The following L3MBTL4 variants were observed in gnomAD, a reference collection of about 807,000 sequenced individuals.
L3MBTL4 encodes the protein L3MBTL histone methyl-lysine binding protein 4.
Under a neutral mutation model 84.5 loss-of-function variants are expected in L3MBTL4, and 70 were observed. The observed-to-expected ratio is 0.83, with a 90% confidence interval of 0.68 to 1.01. The LOEUF (loss-of-function observed/expected upper bound fraction) is 1.01, where lower values mean the gene tolerates loss of function less well. Ranked by LOEUF, L3MBTL4 falls within the 50% of genes least tolerant of loss-of-function variation. The pLI is 0.00. For missense variants in L3MBTL4, 715 were observed against 754.8 expected (o/e 0.95, Z 0.62); for synonymous variants, 274 against 259.8 (o/e 1.05, Z -0.52).
Position 5,960,011 on chromosome 18 carries a change from C to CAT in L3MBTL4, c.1677+81_1677+82dup, listed in dbSNP as rs142973265. The CAT allele has an allele frequency of 1.2e-3, 210 of 171,388 alleles. 1 individual carries two copies. Among genetic ancestry groups the CAT allele is most frequent in the South Asian group, 3.7e-3 (20 of 5,426 alleles). 10.6% of individuals were successfully genotyped at this position (171,388 alleles called of 1,614,324 possible). ...GGGTCTAGAAGTATAGAAATACATA[C>CAT]ATATATATATATACATATATATATA... On this transcript the variant is annotated intron_variant, in intron 18 of 18. Coordinates refer to ENST00000317931, the MANE Select transcript of L3MBTL4 (RefSeq NM_001330559.2).
chr18:6,099,608 G>GAGA (rs1598744783), intron 14 of L3MBTL4, among the ~76,000 whole-genome samples: 4 of 34,458 alleles, frequency 1.2e-4, no homozygotes, highest in Non-Finnish European at 9.6e-5. Context: ...ATATATATAT[G>GAGA]GAGAGAGAGA....
At chr18:5,980,366 G>T (rs1252683049) in intron 16 of L3MBTL4, among the ~76,000 whole-genome samples, 3 of 151,828 alleles carry the variant, frequency 2.0e-5, no homozygotes, top group Non-Finnish European at 4.4e-5. Flanking sequence ...CCCCGTCTCA[G>T]GTGTACACCA....
At chr18:6,373,660 C>T (rs1299966299) in intron 1 of L3MBTL4, among the ~76,000 whole-genome samples, 1 of 151,840 alleles carries the variant, frequency 6.6e-6, no homozygotes, top group Non-Finnish European at 1.5e-5. Flanking sequence ...ATGCACCGTA[C>T]AAAATACATC....
At chr18:6,046,417 T>C (rs2056620387) in intron 16 of L3MBTL4, among the ~76,000 whole-genome samples, 1 of 152,208 alleles carries the variant, frequency 6.6e-6, no homozygotes, top group South Asian at 2.1e-4. Flanking sequence ...CTAATAGGCA[T>C]CTACAGAATA....
At chr18:6,226,290 C>G (rs533199018) in intron 10 of L3MBTL4, among the ~76,000 whole-genome samples, 4 of 152,170 alleles carry the variant, frequency 2.6e-5, no homozygotes, top group Admixed American at 2.6e-4. Context: ...CCTGTAATCC[C>G]AGCTACTCAG....
intron 5 of L3MBTL4, among the ~76,000 whole-genome samples, chr18:6,253,587 A>T (rs1417925713): frequency 6.6e-6 from 1 of 152,154 alleles, no homozygotes; most frequent in Non-Finnish European, 1.5e-5. Context: ...TAAATTGTCA[A>T]ATTTTCCATA....
chr18:6,146,456 G>A (rs989332396), intron 13 of L3MBTL4, among the ~76,000 whole-genome samples: 3 of 152,164 alleles, frequency 2.0e-5, no homozygotes, highest in Non-Finnish European at 2.9e-5. Context: ...GAAGCGCTAC[G>A]AGGAAGCTGC....
chr18:6,407,038 T>C (rs1364620760), intron 1 of L3MBTL4, among the ~76,000 whole-genome samples: 1 of 152,236 alleles, frequency 6.6e-6, no homozygotes, highest in Non-Finnish European at 1.5e-5. Flanking sequence ...CACAGCTTCC[T>C]TTCTTTGTTC....
chr18:6,223,289 T>C (rs1488143506), intron 10 of L3MBTL4, among the ~76,000 whole-genome samples: 2 of 152,180 alleles, frequency 1.3e-5, no homozygotes, highest in African/African-American at 2.4e-5. Flanking sequence ...TTTAGCTGTG[T>C]TCCCTTCTAA....
At chr18:6,053,432 G>T (rs548111980) in intron 16 of L3MBTL4, among the ~76,000 whole-genome samples, 4 of 152,304 alleles carry the variant, frequency 2.6e-5, no homozygotes, top group African/African-American at 9.6e-5. Flanking sequence ...AGGAGGCCAT[G>T]AAGGGAAGGC....
At chr18:6,158,353 T>G (rs560276234) in intron 13 of L3MBTL4, among the ~76,000 whole-genome samples, 5 of 152,178 alleles carry the variant, frequency 3.3e-5, no homozygotes, top group Admixed American at 1.3e-4. Flanking sequence ...GAAGGGACCA[T>G]TCAAGATGTA....
chr18:6,040,235 G>T (rs1266280106), intron 16 of L3MBTL4, among the ~76,000 whole-genome samples: 1 of 152,044 alleles, frequency 6.6e-6, no homozygotes, highest in Non-Finnish European at 1.5e-5. Flanking sequence ...TCACATTAAA[G>T]ATTTCCTCTA....
chr18:6,250,069 G>C (rs550656997), intron 5 of L3MBTL4, among the ~76,000 whole-genome samples: 2 of 152,162 alleles, frequency 1.3e-5, no homozygotes, highest in Non-Finnish European at 2.9e-5. Flanking sequence ...CCAAAGAAGC[G>C]CCAGTGCTCT....
chr18:6,396,808 T>C (rs928194778), intron 1 of L3MBTL4: 1 of 152,230 alleles, frequency 6.6e-6, no homozygotes, highest in African/African-American at 2.4e-5. Context: ...ATGTTCTAAA[T>C]GTTTTATGCT....
intron 13 of L3MBTL4, among the ~76,000 whole-genome samples, chr18:6,160,036 C>T (rs1229816928): frequency 2.0e-5 from 3 of 152,144 alleles, no homozygotes; most frequent in East Asian, 1.9e-4. Context: ...TAAGTACAGC[C>T]GTTCTCATCC....
intron 16 of L3MBTL4, among the ~76,000 whole-genome samples, chr18:6,071,756 AGAAAAAAAGAAAGAAAGAAAGAAAG>A (rs2057634163): frequency 1.4e-5 from 2 of 140,920 alleles, no homozygotes; most frequent in South Asian, 2.3e-4. Flanking sequence ...AAAGAAAGAA[AGAAAAAAAGAAAGAAAGAAAGAAAG>A]AAAGAAAGAA....
chr18:6,146,740 T>A (rs1194336909), intron 13 of L3MBTL4, among the ~76,000 whole-genome samples: 1 of 152,098 alleles, frequency 6.6e-6, no homozygotes, highest in Non-Finnish European at 1.5e-5. Context: ...TTTGTTTGAG[T>A]GATGATGAGA....
At chr18:6,198,734 G>A (rs1026556362) in intron 12 of L3MBTL4, among the ~76,000 whole-genome samples, 7 of 152,226 alleles carry the variant, frequency 4.6e-5, no homozygotes, top group African/African-American at 1.7e-4. Flanking sequence ...AAAGGGGACA[G>A]TGTAATCACT....
chr18:6,311,964 C>T (rs187387353), intron 2 of L3MBTL4, 34 bp downstream of exon 2: 1 of 242,654 alleles, frequency 4.1e-6, no homozygotes, highest in Admixed American at 5.1e-5. Context: ...AATTAGGATT[C>T]ACTGCAATCA....
Sources: allele counts gnomAD v4.1 joint callset (sites outside exome capture counted in the v4.1 genomes callset), GRCh38; gene constraint gnomAD v4.1.1; transcripts MANE v1.5; gene names NCBI Gene and HGNC (gene_info 2026-07-23, HGNC 2026-07-21).